Variants in PIWIL2 observed in about 807,000 individuals in gnomAD.
The protein encoded by PIWIL2 is piwi-like protein 2.
In PIWIL2, 81 loss-of-function variants were observed where a neutral mutation model predicts 116.5. The ratio of observed to expected loss-of-function variants is 0.70; its 90% confidence interval spans 0.58 to 0.84. The LOEUF is 0.84. Ranked by LOEUF, PIWIL2 falls within the 40% of genes least tolerant of loss-of-function variation. The pLI, the probability that PIWIL2 is intolerant of heterozygous loss-of-function variation, is 0.00. For missense variants in PIWIL2, 1,272 were observed against 1,212.3 expected, an observed-to-expected ratio of 1.05 and a Z score of -0.73; for synonymous variants, 489 against 429.5, an observed-to-expected ratio of 1.14 and a Z score of -1.71.
chr8:22,351,788 C>G (rs544615180), intron 20 of PIWIL2, among the ~76,000 whole-genome samples: 1 of 151,430 alleles, frequency 6.6e-6, no homozygotes, highest in Non-Finnish European at 1.5e-5. Flanking sequence ...ATCCACCCAC[C>G]TCGGCCTCTG....
intron 20 of PIWIL2, among the ~76,000 whole-genome samples, chr8:22,339,977 T>C (rs1832070119): frequency 6.6e-6 from 1 of 152,122 alleles, no homozygotes; most frequent in South Asian, 2.1e-4. Context: ...GACCGATGTT[T>C]GTCATGCACA....
chr8:22,350,295 T>A (rs573503662), intron 20 of PIWIL2, among the ~76,000 whole-genome samples: 22 of 150,208 alleles, frequency 1.5e-4, no homozygotes, highest in South Asian at 1.0e-3. Context: ...CCAAAAAAAA[T>A]TTTTTTAAGG....
rs772930505 is a variant in PIWIL2, at chr8:22,283,015, C to T, written c.426-19C>T. 24 of 1,600,074 alleles carry T rather than the reference C, an allele frequency of 1.5e-5. No homozygotes were observed. The East Asian group carries it at 5.1e-4, about 34-fold the overall frequency. On this transcript the variant is annotated intron_variant, in intron 4 of 22. Coordinates refer to ENST00000356766, the MANE Select transcript of PIWIL2 (RefSeq NM_018068.5). ...GCTATTATAAAAAACCCTGATTTGCCTCTCTCTCCACATTTCAGGACGCTT... is the reference window on the plus strand; with the variant it reads ...GCTATTATAAAAAACCCTGATTTGCTTCTCTCTCCACATTTCAGGACGCTT...
chr8:22,297,453 T>C (rs748260579), intron 10 of PIWIL2, among the ~76,000 whole-genome samples: 3 of 152,200 alleles, frequency 2.0e-5, no homozygotes, highest in Non-Finnish European at 2.9e-5. Flanking sequence ...GACAAATCAA[T>C]CACCAGTGAT....
Position 22,352,960 on chromosome 8 carries a change from T to C in PIWIL2, c.2405T>C (p.Val802Ala). 6.2e-7 allele frequency: 1 copy of C among 1,609,440 alleles called. No individual in the cohort carries two copies. ...ACCACATCCTCGCTGTCATTTCAGGTGAACCACTGTCTACCAGAGAAGATT... is the reference window on the plus strand; with the variant it reads ...ACCACATCCTCGCTGTCATTTCAGGCGAACCACTGTCTACCAGAGAAGATT... ...LVGSLKKFYE[V>A]NHCLPEKIVV... The change falls in exon 21 of 23, where the codon GTG becomes GCG. Residue 802 changes from valine (V) to alanine (A), a missense_variant and splice_region_variant. Transcript: ENST00000356766.
intron 19 of PIWIL2, among the ~76,000 whole-genome samples, chr8:22,317,778 G>T (rs1233154813): frequency 6.6e-6 from 1 of 151,978 alleles, no homozygotes; most frequent in Non-Finnish European, 1.5e-5. Flanking sequence ...TCCTGCCTCA[G>T]CCTCCCGAGT....
At chr8:22,344,071 A>C (rs751101847) in intron 20 of PIWIL2, among the ~76,000 whole-genome samples, 5 of 152,250 alleles carry the variant, frequency 3.3e-5, no homozygotes, top group Non-Finnish European at 5.9e-5. Flanking sequence ...TTAAGCCATG[A>C]AAAGACATGG....
intron 10 of PIWIL2, among the ~76,000 whole-genome samples, chr8:22,292,223 A>G (rs1255368785): frequency 6.6e-6 from 1 of 152,214 alleles, no homozygotes; most frequent in Non-Finnish European, 1.5e-5. Context: ...TTTAACTTTC[A>G]CTGTGAGTGA....
At chr8:22,309,010 G>A (rs1479427714) in intron 14 of PIWIL2, among the ~76,000 whole-genome samples, 2 of 151,964 alleles carry the variant, frequency 1.3e-5, no homozygotes, top group South Asian at 2.1e-4. Context: ...TGGCCAGGCT[G>A]GAGTGTAATG....
chr8:22,350,620 C>T (rs922001897), intron 20 of PIWIL2, among the ~76,000 whole-genome samples: 1 of 152,010 alleles, frequency 6.6e-6, no homozygotes, highest in Non-Finnish European at 1.5e-5. Flanking sequence ...AAAAGTACCA[C>T]AAACTGGTGC....
chr8:22,290,280 G>A lies in PIWIL2; in HGVS notation c.1115G>A (p.Gly372Glu), dbSNP rs1179148186. 3.7e-6 allele frequency: 6 copies of A among 1,612,766 alleles called. No homozygotes were observed. The highest frequency in any genetic ancestry group is 4.2e-6 in the Non-Finnish European group (5 of 1,178,824). Residue 372 changes from glycine (G) to glutamate (E), a missense_variant, in exon 10 of 23, where the codon GGA becomes GAA. Transcript: ENST00000356766. The stretch of plus-strand genomic sequence containing the variant: ...GCAGCTAGCATCCGAAGGACAGATG[G>A]AGGGCTCTTCCTGCTAGCTGATGTC... The part of the protein sequence containing the change: ...GYAASIRRTD[G>E]GLFLLADVSH...
intron 10 of PIWIL2, among the ~76,000 whole-genome samples, chr8:22,295,936 C>G (rs1830889275): frequency 6.7e-6 from 1 of 149,856 alleles, no homozygotes; most frequent in Non-Finnish European, 1.5e-5. Flanking sequence ...TTAGAAATGT[C>G]TGTTAGAATC....
chr8:22,303,218 C>G (rs1831092698), intron 10 of PIWIL2, among the ~76,000 whole-genome samples: 1 of 152,122 alleles, frequency 6.6e-6, no homozygotes, highest in South Asian at 2.1e-4. Context: ...TGTGAGGAAA[C>G]TGTATACACA....
At chr8:22,338,752 A>G (rs1289869478) in intron 20 of PIWIL2, among the ~76,000 whole-genome samples, 2 of 152,222 alleles carry the variant, frequency 1.3e-5, no homozygotes, top group Non-Finnish European at 2.9e-5. Context: ...GCAGAAAACA[A>G]TGGAGTACTT....
rs138258463 is a variant in PIWIL2, at chr8:22,304,171, G to T, written c.1332G>T (p.Met444Ile). The change falls in exon 11 of 23, where the codon ATG becomes ATT. Residue 444 changes from methionine to isoleucine, a missense_variant. Met to Ile is a conservative substitution (Grantham distance 10, BLOSUM62 1). Transcript: ENST00000356766. ...AGACTCCAAAGGATAGCTTCACGAT[G>T]TCTGATGGGAAAGAGATCACATTCT... is the stretch of plus-strand genomic sequence containing the variant. ...WNKTPKDSFT[M>I]SDGKEITFLE... 8 of 1,613,576 alleles carry T rather than the reference G, an allele frequency of 5.0e-6. No individual in the cohort carries two copies. In the African/African-American group the frequency reaches 1.1e-4, roughly 22 times the overall value.
chr8:22,287,239 T>G (rs1830648335), intron 6 of PIWIL2, among the ~76,000 whole-genome samples: 1 of 152,202 alleles, frequency 6.6e-6, no homozygotes, highest in Admixed American at 6.5e-5. Flanking sequence ...AGAGCGAGAC[T>G]CCGTCTCAAA....
At chr8:22,351,159 ATAAT>A (rs577693850) in intron 20 of PIWIL2, among the ~76,000 whole-genome samples, 79 of 151,630 alleles carry the variant, frequency 5.2e-4, no homozygotes, top group South Asian at 1.7e-3. Flanking sequence ...TCAAAAAAAA[ATAAT>A]TAATTAATTA....
intron 10 of PIWIL2, among the ~76,000 whole-genome samples, chr8:22,294,899 G>GAAA (rs375806332): frequency 0.041 from 3,226 of 79,264 alleles, 686 homozygotes; most frequent in South Asian, 0.063. Flanking sequence ...CATCTTTACT[G>GAAA]GAAAAAAAAA....
chr8:22,281,156 G>T lies in PIWIL2; in HGVS notation c.235G>T (p.Gly79Cys), dbSNP rs747638429. The change falls in exon 3 of 23, where the codon GGC (glycine) becomes TGC (cysteine). Residue 79 changes from glycine (G) to cysteine (C), a missense_variant. Gly to Cys is a radical substitution (Grantham distance 159). Coordinates refer to ENST00000356766, the MANE Select transcript of PIWIL2 (RefSeq NM_018068.5). ...TTTGGTCTCCATGTTCCGAGGCCTG[G>T]GCATTGAAACAGTTTCTAAGACCCC... ...VGLVSMFRGL[G>C]IETVSKTPLK... 6.2e-7 allele frequency: 1 copy of T among 1,612,908 alleles called. No homozygotes were observed. The highest frequency in any genetic ancestry group is 1.7e-5 in the Admixed American group (1 of 59,806).
Sources: gnomAD v4.1 joint callset for allele counts (sites outside exome capture counted in the v4.1 genomes callset) on GRCh38, gnomAD v4.1.1 for gene constraint, MANE v1.5 for transcripts, NCBI Gene and HGNC (gene_info 2026-07-23, HGNC 2026-07-21) for gene names.